Variants in BTNL8 observed in about 807,000 individuals in gnomAD.
BTNL8 encodes butyrophilin like 8.
A neutral mutation model predicts 36.1 loss-of-function variants in BTNL8; 22 were observed. The ratio of observed to expected loss-of-function variants is 0.61; its 90% CI spans 0.44 to 0.87. The LOEUF is 0.87. BTNL8 is among the 40% of genes least tolerant of loss of function. The probability of loss-of-function intolerance (pLI) is 0.00; values close to 1 mark genes in which losing one functional copy is unlikely to be tolerated. For missense variants in BTNL8, 526 were observed against 616.9 expected (o/e 0.85, Z 1.56); for synonymous variants, 203 against 235.6 (o/e 0.86, Z 1.27).
chr5:180,927,276 C>G (rs1758147690), intron 3 of BTNL8, among the ~76,000 whole-genome samples: 1 of 152,116 alleles, frequency 6.6e-6, no homozygotes, highest in Non-Finnish European at 1.5e-5. Context: ...GGAATAGCAT[C>G]AACATCAACA....
intron 3 of BTNL8, among the ~76,000 whole-genome samples, chr5:180,918,313 A>G (rs1561934482): frequency 6.6e-6 from 1 of 152,236 alleles, no homozygotes; most frequent in African/African-American, 2.4e-5. Flanking sequence ...ACGTATCCCC[A>G]TGATCAAGTG....
chr5:180,907,773 C>T (rs950571072), intron 1 of BTNL8, among the ~76,000 whole-genome samples: 2 of 151,924 alleles, frequency 1.3e-5, no homozygotes, highest in Admixed American at 1.3e-4. Context: ...TTGGAGTACC[C>T]TGCCGTGTGA....
intron 3 of BTNL8, among the ~76,000 whole-genome samples, chr5:180,929,644 C>T (rs1485093737): frequency 2.0e-5 from 3 of 152,138 alleles, no homozygotes; most frequent in African/African-American, 7.2e-5. Flanking sequence ...CACCACTGAT[C>T]CCACAGAAAT....
chr5:180,943,285 C>G (rs1471570148), intron 3 of BTNL8, among the ~76,000 whole-genome samples: 1 of 151,620 alleles, frequency 6.6e-6, no homozygotes, highest in Non-Finnish European at 1.5e-5. Flanking sequence ...CAGACACCAT[C>G]CACCACACCC....
Position 180,932,591 on chromosome 5 carries a change from C to T in BTNL8, c.674-14921C>T, listed in dbSNP as rs181895462. ...GTCTCGATCTCCTGACCTCGTGATC[C>T]GCCCGCCTCGGCCTCCCAAAGTGCT... On this transcript the variant is annotated intron_variant, in intron 3 of 7. Transcript: ENST00000340184. Among the ~76,000 whole-genome samples the T allele has an allele frequency of 5.6e-3, 851 of 152,206 alleles. 8 individuals carry two copies. The highest frequency in any genetic ancestry group is 0.02 in the Middle Eastern group (6 of 294).
chr5:180,950,499 C>T lies in BTNL8; in HGVS notation c.1458C>T (p.Ser486=). ...SAIPETSNSE[S]SSQATTPFLP... ...TCCCAGAGACAAGCAACAGTGAGTC[C>T]TCCTCACAGGCAACCACGCCCTTCC... Residue 486 remains serine (S), a synonymous_variant, in exon 8 of 8, where the codon TCC becomes TCT. Transcript: ENST00000340184. 6 of 1,463,456 alleles carry T rather than the reference C, an allele frequency of 4.1e-6. 2 individuals are homozygous for T. The highest frequency in any genetic ancestry group is 5.7e-6 in the Non-Finnish European group (6 of 1,059,178). 90.7% of individuals were successfully genotyped at this position (1,463,456 alleles called of 1,614,324 possible). A position where few individuals can be genotyped will look rare whatever the true frequency, so the allele number is the denominator to read the frequency against.
At chr5:180,930,836 T>G (rs1345773925) in intron 3 of BTNL8, among the ~76,000 whole-genome samples, 1 of 152,140 alleles carries the variant, frequency 6.6e-6, no homozygotes, top group East Asian at 1.9e-4. Flanking sequence ...GGAAGAATAT[T>G]CCATGCTCAT....
chr5:180,902,544 C>G (rs1455611843), intron 1 of BTNL8: 2 of 799,050 alleles, frequency 2.5e-6, no homozygotes, highest in Admixed American at 5.5e-5. Context: ...TGCTTTTATA[C>G]TTTAAGTTTT....
At chr5:180,902,414 T>G in intron 1 of BTNL8, 1 of 1,548,292 alleles carries the variant, frequency 6.5e-7, no homozygotes, top group South Asian at 1.2e-5. Flanking sequence ...GATACACAAA[T>G]GCAAGTCACT....
chr5:180,921,915 CAG>C (rs1173898324), intron 3 of BTNL8, among the ~76,000 whole-genome samples: 1 of 151,966 alleles, frequency 6.6e-6, no homozygotes, highest in Non-Finnish European at 1.5e-5. Context: ...AAAAACAAAA[CAG>C]AAAAATAAAT....
chr5:180,948,050 A>C (rs538657208), intron 4 of BTNL8: 2 of 639,782 alleles, frequency 3.1e-6, no homozygotes, highest in East Asian at 5.8e-5. Context: ...CTTGGGAGTG[A>C]CACTTCCCCT....
intron 3 of BTNL8, among the ~76,000 whole-genome samples, chr5:180,931,423 T>TA (rs1177667273): frequency 6.6e-6 from 1 of 151,956 alleles, no homozygotes; most frequent in Non-Finnish European, 1.5e-5. Flanking sequence ...ACTAAAACAC[T>TA]AAAAGCAAGG....
At chr5:180,937,282 G>T (rs7737099) in intron 3 of BTNL8, among the ~76,000 whole-genome samples, 31,010 of 152,104 alleles carry the variant, frequency 0.2, 3,815 homozygotes, top group Non-Finnish European at 0.26. Flanking sequence ...GGTGTGCACT[G>T]CCCTTGCCTA....
In BTNL8 at chr5:180,911,466, G is replaced by A; in HGVS notation, c.525G>A (p.Leu175=). ...AKWKGPQGQD[L]STDSRTNRDM... ...GGAAAGGTCCACAAGGACAGGATTT[G>A]TCCACAGACTCCAGGACAAACAGAG... The change falls in exon 3 of 8, where the codon TTG becomes TTA. Residue 175 remains leucine, a synonymous_variant. Coordinates refer to ENST00000340184, the MANE Select transcript of BTNL8 (RefSeq NM_001040462.3). 6.2e-7 allele frequency: 1 copy of A among 1,614,198 alleles called. No individual in the cohort carries two copies. Among genetic ancestry groups the A allele is most frequent in the Non-Finnish European group, 8.5e-7 (1 of 1,180,028 alleles).
At chr5:180,910,975 C>G (rs1757357416) in intron 2 of BTNL8, among the ~76,000 whole-genome samples, 1 of 152,192 alleles carries the variant, frequency 6.6e-6, no homozygotes, top group Admixed American at 6.5e-5. Context: ...ACTTTTGTAG[C>G]AACTGATTAG....
Position 180,908,944 on chromosome 5 carries a change from T to C in BTNL8, c.397+11T>C, listed in dbSNP as rs1273278480. 2 of 1,602,092 alleles carry C rather than the reference T, an allele frequency of 1.2e-6. No individual in the cohort carries two copies. Among genetic ancestry groups the C allele is most frequent in the Admixed American group, 1.7e-5 (1 of 59,170 alleles). Reference sequence around the variant, plus strand: ...AGCTACAGGTGTCAGGTCAGTTTCATATTTCATAACTTAGTTGTCCCAAAG... The same window carrying C: ...AGCTACAGGTGTCAGGTCAGTTTCACATTTCATAACTTAGTTGTCCCAAAG... On this transcript the variant is annotated intron_variant, in intron 2 of 7. Transcript: ENST00000340184.
At chr5:180,929,792 T>C (rs556707451) in intron 3 of BTNL8, among the ~76,000 whole-genome samples, 54 of 152,176 alleles carry the variant, frequency 3.5e-4, no homozygotes, top group Non-Finnish European at 7.2e-4. Context: ...AATAGACCAA[T>C]AACAAGTTCT....
intron 1 of BTNL8, among the ~76,000 whole-genome samples, chr5:180,908,280 G>GC (rs565042314): frequency 0.063 from 9,605 of 151,588 alleles, 366 homozygotes; most frequent in South Asian, 0.11. Context: ...TTTTCCAGGT[G>GC]CGTCCGTCAC....
At position 180,949,957 on chromosome 5, in the gene BTNL8, C is replaced by G. The variant is rs773723596; in HGVS notation, c.916C>G (p.Leu306Val). 2 of 1,461,644 alleles carry G rather than the reference C, an allele frequency of 1.4e-6. No individual in the cohort carries two copies. Among genetic ancestry groups the G allele is most frequent in the African/African-American group, 2.8e-5 (2 of 72,274 alleles). The allele number at this position is 1,461,644 out of a possible 1,614,324, so 90.5% of individuals were successfully genotyped here. Residue 306 changes from leucine (L) to valine (V), a missense_variant, in exon 8 of 8, where the codon CTG becomes GTG. Leu to Val is a conservative substitution (Grantham distance 32, BLOSUM62 1). This residue lies in a region of BTNL8 where 176 missense variants were observed against 292.3 expected (regional missense o/e 0.60). Transcript: ENST00000340184. Reference sequence around the variant, plus strand: ...TCACCCGAAGCTCTGCGTTTCTGATCTGAAAACTGTAACCCATAGAAAAGC... The same window carrying G: ...TCACCCGAAGCTCTGCGTTTCTGATGTGAAAACTGTAACCCATAGAAAAGC... The part of the protein sequence containing the change: ...TAHPKLCVSD[L>V]KTVTHRKAPQ...
Sources: allele counts gnomAD v4.1 joint callset (sites outside exome capture counted in the v4.1 genomes callset), GRCh38; gene constraint gnomAD v4.1.1; regional missense constraint gnomAD v4.1.1; transcripts MANE v1.5; gene names NCBI Gene and HGNC (gene_info 2026-07-23, HGNC 2026-07-21).